ARID3A: variants seen among roughly 807,000 people sequenced by gnomAD.
ARID3A encodes the protein AT-rich interaction domain 3A.
Under a neutral mutation model 52.7 loss-of-function variants are expected in ARID3A, and 11 were observed. The ratio of observed to expected loss-of-function variants is 0.21; its 90% CI spans 0.13 to 0.35. The LOEUF (loss-of-function observed/expected upper bound fraction) is 0.35. Ranked by LOEUF, ARID3A falls within the 10% of genes least tolerant of loss-of-function variation. The pLI, the probability that ARID3A is intolerant of heterozygous loss-of-function variation, is 1.00. For synonymous variants in ARID3A, 404 were observed against 359.4 expected (o/e 1.12, Z -1.40); for missense variants, 721 against 838.5 (o/e 0.86, Z 1.73).
At position 960,247 on chromosome 19, in the gene ARID3A, G is replaced by A. The variant is rs1213161118; in HGVS notation, c.766+83G>A. ...GGGCCCTACTGGCTCCAGGTATGTC[G>A]GGGCGGTGGTGAGCACCCCGTGGCT... On this transcript the variant is annotated intron_variant, in intron 4 of 8. Transcript: ENST00000263620. The surrounding 1 kb of genome is among the most constrained non-coding windows in gnomAD (Gnocchi z 4.3). 19 of 1,342,304 alleles carry A rather than the reference G, an allele frequency of 1.4e-5. No homozygotes were observed. Among genetic ancestry groups the A allele is most frequent in the South Asian group, 8.3e-5 (6 of 72,562 alleles). 83.1% of individuals were successfully genotyped at this position (1,342,304 alleles called of 1,614,324 possible). A position where few individuals can be genotyped will look rare whatever the true frequency, so the allele number is the denominator to read the frequency against.
In ARID3A at chr19:944,583, A is replaced by G. The variant is rs2037636301; in HGVS notation, c.693+11841A>G. Among the ~76,000 whole-genome samples, 1 of 152,080 alleles carries G rather than the reference A, an allele frequency of 6.6e-6. No homozygotes were observed. The highest frequency in any genetic ancestry group is 2.4e-5 in the African/African-American group (1 of 41,422). ...CAGGACCCCCGACCCCGGCCCTGGG[A>G]GGGCCCGACTGCCAGCCTGGCTGAA... On this transcript the variant is annotated intron_variant, in intron 3 of 8. Transcript: ENST00000263620. The surrounding 1 kb of genome is among the most constrained non-coding windows in gnomAD (Gnocchi z 5.9).
At chr19:940,071 A>G (rs889648529) in intron 3 of ARID3A, among the ~76,000 whole-genome samples, 13 of 151,294 alleles carry the variant, frequency 8.6e-5, no homozygotes, top group Non-Finnish European at 1.5e-4. Context: ...ATTGAGGGGG[A>G]GGCTGCCAAG....
Position 970,641 on chromosome 19 carries a change from ATTT to A in ARID3A, c.1595-1234_1595-1232del, listed in dbSNP as rs752160048. On this transcript the variant is annotated intron_variant, in intron 8 of 8. Transcript: ENST00000263620. Reference sequence around the variant, plus strand: ...AGGTGCATGCCACCAGGCCCGGCTAATTTTTGTATTTTTAGATGATACGGGGTT... The same window carrying A: ...AGGTGCATGCCACCAGGCCCGGCTAATTGTATTTTTAGATGATACGGGGTT... Among the ~76,000 whole-genome samples, 96 of 151,116 alleles carry A rather than the reference ATTT, an allele frequency of 6.4e-4. 1 individual carries two copies. The highest frequency in any genetic ancestry group is 7.1e-4 in the Non-Finnish European group (48 of 67,858).
intron 3 of ARID3A, among the ~76,000 whole-genome samples, chr19:952,923 C>A (rs1382418810): frequency 2.6e-5 from 4 of 152,112 alleles, no homozygotes; most frequent in African/African-American, 7.2e-5. Flanking sequence ...ACCATAGCCC[C>A]CCTGTGACCT....
In ARID3A at chr19:968,714, C is replaced by T. The variant is rs113851216; in HGVS notation, c.1594+211C>T. ...CACGCTCAGCCCAGAGGGGGTCGTC[C>T]ACAGATACATATTCAGTGTGACGTT... On this transcript the variant is annotated intron_variant, in intron 8 of 8. Coordinates refer to ENST00000263620, the MANE Select transcript of ARID3A (RefSeq NM_005224.3). The T allele has an allele frequency of 5.6e-5, 29 of 518,504 alleles. 1 individual carries two copies. The highest frequency in any genetic ancestry group is 4.4e-4 in the African/African-American group (23 of 51,698). 32.1% of individuals were successfully genotyped at this position (518,504 alleles called of 1,614,324 possible). A position where few individuals can be genotyped will look rare whatever the true frequency, so the allele number is the denominator to read the frequency against.
At position 972,712 on chromosome 19, in the gene ARID3A, A is replaced by T. The variant is rs1301280838; in HGVS notation, c.*647A>T. 4.9e-6 allele frequency: 1 copy of T among 202,876 alleles called. No individual in the cohort carries two copies. Among genetic ancestry groups the T allele is most frequent in the Non-Finnish European group, 9.9e-6 (1 of 101,098 alleles). 12.6% of individuals were successfully genotyped at this position (202,876 alleles called of 1,614,324 possible). On this transcript the variant is annotated 3_prime_UTR_variant, in exon 9 of 9. Coordinates refer to ENST00000263620, the MANE Select transcript of ARID3A (RefSeq NM_005224.3). ...TCTATTTTATTCTTGGGGGGATCAA[A>T]CCTTAGGAAAAGGATATCTATATAT...
At chr19:933,550 C>G (rs968421097) in intron 3 of ARID3A, among the ~76,000 whole-genome samples, 1 of 152,140 alleles carries the variant, frequency 6.6e-6, no homozygotes, top group African/African-American at 2.4e-5. Flanking sequence ...TCTGGGCTCC[C>G]GCAGGGAGGT....
chr19:941,209 C>T lies in ARID3A; in HGVS notation c.693+8467C>T, dbSNP rs954477282. ...AGAGTGTCCCCGCGTGGTGCCTGGG[C>T]GGGGGAATGGGCGTGGTGAGCCGCC... On this transcript the variant is annotated intron_variant, in intron 3 of 8. Coordinates refer to ENST00000263620, the MANE Select transcript of ARID3A (RefSeq NM_005224.3). The surrounding 1 kb of genome is among the most constrained non-coding windows in gnomAD (Gnocchi z 6.9). Among the ~76,000 whole-genome samples the T allele has an allele frequency of 7.9e-5, 12 of 152,316 alleles. No individual in the cohort carries two copies. Among genetic ancestry groups the T allele is most frequent in the East Asian group, 3.9e-4 (2 of 5,172 alleles).
intron 3 of ARID3A, among the ~76,000 whole-genome samples, chr19:951,041 C>T (rs1442237703): frequency 6.6e-6 from 1 of 151,702 alleles, no homozygotes; most frequent in Admixed American, 6.6e-5. Flanking sequence ...AGGCTGGTCT[C>T]AAACTCCTGA....
Position 932,674 on chromosome 19 carries a change from G to A in ARID3A, c.625G>A (p.Ala209Thr), listed in dbSNP as rs1319468213. ...TGGCCCTGCCCACCCCGGAGGGGCC[G>A]CCCACGTAGCCCCGCAGCTGCAGCC... ...GPGPAHPGGA[A>T]HVAPQLQPPD... The change falls in exon 3 of 9, where the codon GCC (alanine) becomes ACC (threonine). Residue 209 changes from alanine to threonine, a missense_variant. Physicochemically the swap from Ala to Thr is moderately conservative, Grantham distance 58. This residue lies in a region of ARID3A where 349 missense variants were observed against 297.3 expected (regional missense o/e 1.17). Coordinates refer to ENST00000263620, the MANE Select transcript of ARID3A (RefSeq NM_005224.3). 1.1e-5 allele frequency: 17 copies of A among 1,545,670 alleles called. No individual in the cohort carries two copies. The highest frequency in any genetic ancestry group is 4.9e-5 in the East Asian group (2 of 40,722).
Position 929,275 on chromosome 19 carries a change from C to A in ARID3A, c.-254C>A. On this transcript the variant is annotated 5_prime_UTR_variant, in exon 2 of 9. Coordinates refer to ENST00000263620, the MANE Select transcript of ARID3A (RefSeq NM_005224.3). This position sits in a 1 kb window ranked among gnomAD's most constrained non-coding sequence, Gnocchi z 6.2. ...TTTCCCCCTCAGGTTTCTGCAAATGCGTGAATGAGCCGGATGCCAGCCTCT... is the reference window on the plus strand; with the variant it reads ...TTTCCCCCTCAGGTTTCTGCAAATGAGTGAATGAGCCGGATGCCAGCCTCT... 3.3e-6 allele frequency: 1 copy of A among 301,718 alleles called. No individual in the cohort carries two copies. Among genetic ancestry groups the A allele is most frequent in the Non-Finnish European group, 5.5e-6 (1 of 182,494 alleles). 18.7% of individuals were successfully genotyped at this position (301,718 alleles called of 1,614,324 possible). A position where few individuals can be genotyped will look rare whatever the true frequency, so the allele number is the denominator to read the frequency against.
chr19:974,756 C>A lies in ARID3A; in HGVS notation c.*2691C>A. 1 of 231,352 alleles carries A rather than the reference C, an allele frequency of 4.3e-6. No homozygotes were observed. Among genetic ancestry groups the A allele is most frequent in the Non-Finnish European group, 8.6e-6 (1 of 116,922 alleles). The allele number at this position is 231,352 out of a possible 1,614,324, so 14.3% of individuals were successfully genotyped here. On this transcript the variant is annotated 3_prime_UTR_variant, in exon 9 of 9. Transcript: ENST00000263620. ...CGGGCTGCGTGTGTGTGTCGGGAAT[C>A]CTGCGTGTCGTGTCTGTGGGCGATC...
intron 3 of ARID3A, among the ~76,000 whole-genome samples, chr19:945,633 A>C (rs2037661330): frequency 6.6e-6 from 1 of 152,136 alleles, no homozygotes; most frequent in Admixed American, 6.5e-5. Flanking sequence ...CCCTGAGCCC[A>C]CCAGGGAGGG....
At chr19:926,611 G>T (rs1256009791) in intron 1 of ARID3A, among the ~76,000 whole-genome samples, 1 of 151,730 alleles carries the variant, frequency 6.6e-6, no homozygotes, top group African/African-American at 2.4e-5. Flanking sequence ...CAGCCGGGCT[G>T]GTTTATTTAT....
chr19:964,324 G>C lies in ARID3A; in HGVS notation c.843G>C (p.Glu281Asp). 6.2e-7 allele frequency: 1 copy of C among 1,614,162 alleles called. No individual in the cohort carries two copies. Among genetic ancestry groups the C allele is most frequent in the Non-Finnish European group, 8.5e-7 (1 of 1,180,008 alleles). The change falls in exon 5 of 9, where the codon GAG (glutamate) becomes GAC (aspartate). Residue 281 changes from glutamate (E) to aspartate (D), a missense_variant. Glu to Asp is a conservative substitution (Grantham distance 45, BLOSUM62 2). This residue lies in a region of ARID3A where 43 missense variants were observed against 143.7 expected (regional missense o/e 0.30). Transcript: ENST00000263620. The surrounding 1 kb of genome is among the most constrained non-coding windows in gnomAD (Gnocchi z 5.7). ...TCATGCTGTACGTGCTGGTGACGGA[G>C]AAGGGCGGCCTCGTGGAGGTCATCA... is the stretch of plus-strand genomic sequence containing the variant. ...DLFMLYVLVT[E>D]KGGLVEVINK... is the part of the protein sequence containing the mutation.
At position 960,474 on chromosome 19, in the gene ARID3A, T is replaced by G. The variant is rs1327205443; in HGVS notation, c.766+310T>G. ...CCTTAGCATCCAGGGTGCAGTGAAG[T>G]GGGGGTCCCCACTACTGGGTAATGG... On this transcript the variant is annotated intron_variant, in intron 4 of 8. Transcript: ENST00000263620. The surrounding 1 kb of genome is among the most constrained non-coding windows in gnomAD (Gnocchi z 4.3). Among the ~76,000 whole-genome samples, 2 of 151,822 alleles carry G rather than the reference T, an allele frequency of 1.3e-5. No homozygotes were observed. The highest frequency in any genetic ancestry group is 3.9e-4 in the East Asian group (2 of 5,148).
intron 3 of ARID3A, among the ~76,000 whole-genome samples, chr19:950,506 AG>A (rs1260003815): frequency 1.3e-5 from 2 of 148,780 alleles, no homozygotes; most frequent in African/African-American, 5.2e-5. Flanking sequence ...TCAGGGAAAG[AG>A]GGGTTCAGGG....
At chr19:948,063 G>T (rs550929112) in intron 3 of ARID3A, among the ~76,000 whole-genome samples, 1 of 152,124 alleles carries the variant, frequency 6.6e-6, no homozygotes, top group Non-Finnish European at 1.5e-5. Flanking sequence ...CTAAGTAAGC[G>T]CCTGCTGGGT....
chr19:953,488 C>G (rs2145422458), intron 3 of ARID3A, among the ~76,000 whole-genome samples: 1 of 151,966 alleles, frequency 6.6e-6, no homozygotes, highest in East Asian at 1.9e-4. Context: ...CCCCCCCGTG[C>G]AGAGCCGGGG....
Sources: gnomAD v4.1 joint callset for allele counts (sites outside exome capture counted in the v4.1 genomes callset) on GRCh38, gnomAD v4.1.1 for gene constraint, gnomAD v4.1.1 regional missense constraint, Gnocchi (gnomAD v3.1) non-coding constraint, MANE v1.5 for transcripts, NCBI Gene and HGNC (gene_info 2026-07-23, HGNC 2026-07-21) for gene names.